Variants in QRICH2 observed in about 807,000 individuals in gnomAD.
QRICH2 encodes the protein glutamine rich 2.
In QRICH2, 119 loss-of-function variants were observed where a neutral mutation model predicts 168.3. The observed-to-expected ratio is 0.71, with a 90% CI of 0.61 to 0.82. The LOEUF is 0.82. QRICH2 is among the 40% of genes least tolerant of loss of function. QRICH2 has a pLI of 0.00. For synonymous variants in QRICH2, 894 were observed against 951.2 expected, an observed-to-expected ratio of 0.94 and a Z score of 1.11; for missense variants, 2,241 against 2,491.6, an observed-to-expected ratio of 0.90 and a Z score of 2.14.
Position 76,293,759 on chromosome 17 carries a change from C to A in QRICH2, c.968G>T (p.Gly323Val), listed in dbSNP as rs147013273. 8.7e-5 allele frequency: 141 copies of A among 1,613,922 alleles called. No homozygotes were observed. Among genetic ancestry groups the A allele is most frequent in the Non-Finnish European group, 1.2e-4 (137 of 1,179,970 alleles). ...AGAAGACTGATGGAGTCGTGGCACGCCAGCTTCATCACGGGCCCTCGGCTG... is the reference window on the plus strand; with the variant it reads ...AGAAGACTGATGGAGTCGTGGCACGACAGCTTCATCACGGGCCCTCGGCTG... Reference protein sequence around the residue: ...QQQPRARDEAGVPRLHQSSTF... With the variant: ...QQQPRARDEAVVPRLHQSSTF... Residue 323 changes from glycine to valine, a missense_variant, in exon 4 of 19, where the codon GGC (glycine) becomes GTC (valine). Transcript: ENST00000680821.
Position 76,281,074 on chromosome 17 carries a change from G to T in QRICH2, c.4264-121C>A. ...AAACATCTGCAAGGCTGGGAGCGGT[G>T]GCTCATGCCTGTAGTCCTGGCACTT... On this transcript the variant is annotated intron_variant, in intron 8 of 18. Transcript: ENST00000680821. This position sits in a 1 kb window ranked among gnomAD's most constrained non-coding sequence, Gnocchi z 4.4. 7.3e-7 allele frequency: 1 copy of T among 1,361,610 alleles called. No individual in the cohort carries two copies. Among genetic ancestry groups the T allele is most frequent in the Non-Finnish European group, 9.9e-7 (1 of 1,013,458 alleles). 84.3% of individuals were successfully genotyped at this position (1,361,610 alleles called of 1,614,324 possible).
intron 12 of QRICH2, 41 bp downstream of exon 12, chr17:76,279,992 G>A: frequency 1.3e-6 from 2 of 1,566,704 alleles, no homozygotes. Flanking sequence ...CTCACCCCCT[G>A]AAGAGCGTGC....
chr17:76,297,885 T>TG (rs1468494453), intron 3 of QRICH2, among the ~76,000 whole-genome samples: 2 of 142,222 alleles, frequency 1.4e-5, no homozygotes. Flanking sequence ...TTTTTTTTTT[T>TG]TTTTTTTTTT....
Position 76,280,253 on chromosome 17 carries a change from T to C in QRICH2, c.4626+34A>G, listed in dbSNP as rs1555671984. The C allele has an allele frequency of 6.2e-7, 1 of 1,611,914 alleles. No homozygotes were observed. Among genetic ancestry groups the C allele is most frequent in the South Asian group, 1.1e-5 (1 of 90,840 alleles). On this transcript the variant is annotated intron_variant, in intron 11 of 18. Transcript: ENST00000680821. This position sits in a 1 kb window ranked among gnomAD's most constrained non-coding sequence, Gnocchi z 7.4. ...TGTCCCGATCCTGGGGGCAAGGCTG[T>C]GGGATGGAGAGCCCCGCCATGCCCC...
rs1168128378 is a variant in QRICH2 at position 76,293,011 on chromosome 17, C to G, written c.1716G>C (p.Gln572His). Residue 572 changes from glutamine (Q) to histidine (H), a missense_variant, in exon 4 of 19, where the codon CAG becomes CAC. Gln to His is a conservative substitution (Grantham distance 24). Transcript: ENST00000680821. ...CCAAAGCACGCTGAAATCTGCCAGA[C>G]TGGATCAAATCATGCTGCTCTGTGC... is the stretch of plus-strand genomic sequence containing the variant. ...QPGTEQHDLIQSGRFQRALVQ... is the reference protein window; with the variant it reads ...QPGTEQHDLIHSGRFQRALVQ... The G allele has an allele frequency of 1.2e-6, 2 of 1,614,060 alleles. No individual in the cohort carries two copies. The highest frequency in any genetic ancestry group is 1.3e-5 in the African/African-American group (1 of 74,918).
intron 3 of QRICH2, among the ~76,000 whole-genome samples, chr17:76,295,073 C>CAAACAAACAAATAAAT (rs1555675460): frequency 0.017 from 2,456 of 143,264 alleles, 42 homozygotes; most frequent in Non-Finnish European, 0.025. Flanking sequence ...CTACTAAAAA[C>CAAACAAACAAATAAAT]AAATAAATAA....
intron 3 of QRICH2, among the ~76,000 whole-genome samples, chr17:76,303,872 C>CAAA (rs67296304): frequency 0.017 from 1,202 of 71,556 alleles, 52 homozygotes; most frequent in African/African-American, 0.057. Context: ...AACTCTGTCT[C>CAAA]AAAAAAAAAA....
At chr17:76,310,459 G>C (rs1019159042), upstream of QRICH2, 1 of 148,530 alleles carries the variant, frequency 6.7e-6, no homozygotes, top group Non-Finnish European at 1.5e-5. Context: ...CATAAGACAC[G>C]ATCCCTGGCC....
At chr17:76,298,869 G>C (rs953244264) in intron 3 of QRICH2, among the ~76,000 whole-genome samples, 9 of 152,144 alleles carry the variant, frequency 5.9e-5, no homozygotes, top group Non-Finnish European at 8.8e-5. Context: ...GTCTGCCTCG[G>C]CTTCCCAAAG....
In QRICH2 at chr17:76,293,311, C is replaced by G; in HGVS notation, c.1416G>C (p.Gln472His). 2 of 1,614,082 alleles carry G rather than the reference C, an allele frequency of 1.2e-6. No homozygotes were observed. Among genetic ancestry groups the G allele is most frequent in the Middle Eastern group, 1.6e-4 (1 of 6,062 alleles). ...CTGTGCCAGGAAATGTCATACCATG[C>G]TGATATGCACTGACTGAAACCAGAC... ...QHGLVSVSAY[Q>H]HGMTFPGTDQ... The change falls in exon 4 of 19, where the codon CAG (glutamine) becomes CAC (histidine). Residue 472 changes from glutamine (Q) to histidine (H), a missense_variant. This residue lies in a region of QRICH2 where 2,047 missense variants were observed against 2,303.8 expected (regional missense o/e 0.89). Coordinates refer to ENST00000680821, the MANE Select transcript of QRICH2 (RefSeq NM_001388453.1).
At chr17:76,302,540 C>A (rs1567789479) in intron 3 of QRICH2, among the ~76,000 whole-genome samples, 1 of 152,108 alleles carries the variant, frequency 6.6e-6, no homozygotes, top group Non-Finnish European at 1.5e-5. Flanking sequence ...CGGGTGGATG[C>A]AGTGATGAAG....
intron 3 of QRICH2, among the ~76,000 whole-genome samples, chr17:76,300,996 G>A (rs922202336): frequency 3.3e-5 from 5 of 152,136 alleles, no homozygotes; most frequent in African/African-American, 1.2e-4. Flanking sequence ...GGAGGTTGCA[G>A]TGAGCCAAGA....
rs191015701 is a variant in QRICH2, at chr17:76,295,872, T to C, written c.706-1851A>G. On this transcript the variant is annotated intron_variant, in intron 3 of 18. Coordinates refer to ENST00000680821, the MANE Select transcript of QRICH2 (RefSeq NM_001388453.1). ...GAAAAAGAAGAATGAACCACTGCCA[T>C]TTCCAGCCAAGATGAAGTTAACAGG... is the stretch of plus-strand genomic sequence containing the variant. Among the ~76,000 whole-genome samples the C allele has an allele frequency of 2.2e-3, 340 of 152,270 alleles. 3 individuals carry two copies. The highest frequency in any genetic ancestry group is 3.4e-3 in the Non-Finnish European group (233 of 68,016).
chr17:76,302,977 G>A (rs1378626669), intron 3 of QRICH2, among the ~76,000 whole-genome samples: 1 of 151,546 alleles, frequency 6.6e-6, no homozygotes, highest in African/African-American at 2.4e-5. Context: ...TCCGCCTCCC[G>A]AGTTCAAGCG....
At position 76,275,913 on chromosome 17, in the gene QRICH2, G is replaced by T; in HGVS notation, c.5388C>A (p.Pro1796=). 6.2e-7 allele frequency: 1 copy of T among 1,608,874 alleles called. No individual in the cohort carries two copies. Residue 1796 remains proline, a synonymous_variant, in exon 18 of 19, where the codon CCC becomes CCA. Transcript: ENST00000680821. Reference sequence around the variant, plus strand: ...ATGGCGGCCTGTGCACGTGGGGCCTGGGCTGCTGGGACTTGCGCTTTGAGG... The same window carrying T: ...ATGGCGGCCTGTGCACGTGGGGCCTTGGCTGCTGGGACTTGCGCTTTGAGG... ...SGTSKRKSQQ[P]RPHVHRPPSL...
rs962075338 is a variant in QRICH2, at chr17:76,291,610, C to T, written c.3117G>A (p.Arg1039=). The T allele has an allele frequency of 5.0e-6, 8 of 1,613,972 alleles. No homozygotes were observed. The highest frequency in any genetic ancestry group is 1.3e-5 in the African/African-American group (1 of 74,882). Residue 1039 remains arginine (R), a synonymous_variant, in exon 4 of 19, where the codon AGG becomes AGA. Coordinates refer to ENST00000680821, the MANE Select transcript of QRICH2 (RefSeq NM_001388453.1). ...GATAAGTTTCTGGTGGTACCAAACT[C>T]CTTCGATCTATACCAGGTGATGCCA... ...QGLASPGIDR[R]SLVPPETYQQ... is the part of the protein sequence containing the mutation.
upstream of QRICH2, chr17:76,310,491 G>T (rs2071059765): frequency 6.6e-6 from 1 of 151,286 alleles, no homozygotes. Context: ...TTTGAGACAG[G>T]GTGTTGCTCT....
chr17:76,309,293 T>C (rs955629385), upstream of QRICH2, among the ~76,000 whole-genome samples: 25 of 147,398 alleles, frequency 1.7e-4, no homozygotes, highest in Non-Finnish European at 3.1e-4. Flanking sequence ...GAGGCAGAGG[T>C]TGCAGTGAGC....
At chr17:76,298,206 C>T (rs559167486) in intron 3 of QRICH2, among the ~76,000 whole-genome samples, 7 of 86,838 alleles carry the variant, frequency 8.1e-5, no homozygotes, top group African/African-American at 2.3e-4. Flanking sequence ...TTTTTTGAGA[C>T]GGAGTCTCAC....
Sources: allele counts gnomAD v4.1 joint callset (sites outside exome capture counted in the v4.1 genomes callset), GRCh38; gene constraint gnomAD v4.1.1; regional missense constraint gnomAD v4.1.1; non-coding constraint Gnocchi (gnomAD v3.1); transcripts MANE v1.5; gene names NCBI Gene and HGNC (gene_info 2026-07-23, HGNC 2026-07-21).